The following ALDH3A2 variants were observed in gnomAD, a reference collection of about 807,000 sequenced individuals.
The protein encoded by ALDH3A2 is aldehyde dehydrogenase family 3 member A2.
A neutral mutation model predicts 51.3 loss-of-function variants in ALDH3A2; 36 were observed. That is an observed-to-expected ratio of 0.70 (90% CI 0.54 to 0.93). ALDH3A2 has a LOEUF of 0.93. ALDH3A2 is among the 40% of genes least tolerant of loss of function. The pLI is 0.00. For missense variants in ALDH3A2, 552 were observed against 603.1 expected, an observed-to-expected ratio of 0.92 and a Z score of 0.89; for synonymous variants, 199 against 219.8, an observed-to-expected ratio of 0.91 and a Z score of 0.84.
In ALDH3A2 at chr17:19,673,276, G is replaced by C. The variant is rs572187658; in HGVS notation, c.1443+1320G>C. The C allele has an allele frequency of 3.1e-6, 5 of 1,613,892 alleles. No individual in the cohort carries two copies. The South Asian group carries it at 4.4e-5, about 14-fold the overall frequency. Reference sequence around the variant, plus strand: ...CCCAGCCCTGTCTGTTAAGAGTGAGGTAGGAACTTTTTGTTTTCTTTCTAT... The same window carrying C: ...CCCAGCCCTGTCTGTTAAGAGTGAGCTAGGAACTTTTTGTTTTCTTTCTAT... On this transcript the variant is annotated intron_variant, in intron 9 of 9. Transcript: ENST00000176643.
chr17:19,671,988 G>A, intron 9 of ALDH3A2, 32 bp downstream of exon 9: 1 of 1,581,844 alleles, frequency 6.3e-7, no homozygotes, highest in Non-Finnish European at 8.7e-7. Context: ...GTGCCATTCA[G>A]TCTGGTCCTG....
chr17:19,670,369 C>T (rs1238225689), intron 8 of ALDH3A2, among the ~76,000 whole-genome samples: 1 of 151,924 alleles, frequency 6.6e-6, no homozygotes, highest in African/African-American at 2.4e-5. Flanking sequence ...TCCTTCATGT[C>T]AGTTTTTTGC....
At chr17:19,649,349 T>C (rs2084783027) in intron 1 of ALDH3A2, 1 of 561,380 alleles carries the variant, frequency 1.8e-6, no homozygotes, top group Admixed American at 3.4e-5. Flanking sequence ...CTTTTCTGCC[T>C]TTTCTATTCT....
At chr17:19,665,253 C>T (rs1433933872) in intron 8 of ALDH3A2, among the ~76,000 whole-genome samples, 2 of 152,062 alleles carry the variant, frequency 1.3e-5, no homozygotes, top group South Asian at 4.2e-4. Context: ...TTGTCACTCT[C>T]TTTCTGTCAG....
In ALDH3A2 at chr17:19,652,534, T is replaced by C. The variant is rs753336698; in HGVS notation, c.386-13T>C. The C allele has an allele frequency of 4.6e-5, 74 of 1,602,382 alleles. No homozygotes were observed. The highest frequency in any genetic ancestry group is 6.2e-5 in the Non-Finnish European group (72 of 1,169,674). Reference sequence around the variant, plus strand: ...ATATTAGATGATACTGTTCTACTTTTTACTTTATTTAGGAAATGCTGTGAT... The same window carrying C: ...ATATTAGATGATACTGTTCTACTTTCTACTTTATTTAGGAAATGCTGTGAT... On this transcript the variant is annotated splice_polypyrimidine_tract_variant and intron_variant, in intron 2 of 9. Transcript: ENST00000176643.
chr17:19,651,592 G>T lies in ALDH3A2; in HGVS notation c.199G>T (p.Glu67Ter). ...TCAGGAAGTCATTACTGTCCTTGGG[G>T]AAATTGATTTTATGCTTGAGAATCT... The part of the protein sequence containing the change: ...YSQEVITVLG[E>*]IDFMLENLPE... Residue 67 changes from glutamate (E) to a stop codon, truncating the protein, a stop_gained, in exon 2 of 10, where the codon GAA becomes TAA. Transcript: ENST00000176643. LOFTEE classifies it high-confidence loss of function. 2 of 1,614,208 alleles carry T rather than the reference G, an allele frequency of 1.2e-6. No individual in the cohort carries two copies. The highest frequency in any genetic ancestry group is 2.2e-5 in the South Asian group (2 of 91,082).
At chr17:19,665,191 T>C in intron 8 of ALDH3A2, 144 bp downstream of exon 8, 1 of 755,616 alleles carries the variant, frequency 1.3e-6, no homozygotes, top group South Asian at 1.5e-5. Flanking sequence ...GGTCACCCAG[T>C]TGACTGGTTT....
intron 3 of ALDH3A2, among the ~76,000 whole-genome samples, chr17:19,653,875 G>T (rs963523279): frequency 6.6e-6 from 1 of 152,152 alleles, no homozygotes; most frequent in African/African-American, 2.4e-5. Flanking sequence ...TGATTGGTCC[G>T]TTTTGACAGG....
At chr17:19,652,655 C>G (rs1051138268) in intron 3 of ALDH3A2, 23 bp downstream of exon 3, 1 of 1,547,262 alleles carries the variant, frequency 6.5e-7, no homozygotes, top group Non-Finnish European at 8.9e-7. Context: ...TGACTCATCT[C>G]CAACATATGT....
At chr17:19,656,616 A>G (rs1438252375) in intron 4 of ALDH3A2, 42 bp downstream of exon 4, 3 of 1,537,820 alleles carry the variant, frequency 2.0e-6, no homozygotes, top group Admixed American at 1.9e-5. Flanking sequence ...TCCCAGCACA[A>G]TGGAGACTTT....
At position 19,657,385 on chromosome 17, in the gene ALDH3A2, A is replaced by G. The variant is rs2084911067; in HGVS notation, c.681-360A>G. On this transcript the variant is annotated intron_variant, in intron 4 of 9. Transcript: ENST00000176643. Reference sequence around the variant, plus strand: ...AAAAGCCACAACCAGGAGAGTCTGTACCGAACTCTGGTCATCCAGGACTTT... The same window carrying G: ...AAAAGCCACAACCAGGAGAGTCTGTGCCGAACTCTGGTCATCCAGGACTTT... Among the ~76,000 whole-genome samples, 3 of 152,206 alleles carry G rather than the reference A, an allele frequency of 2.0e-5. No individual in the cohort carries two copies. In the South Asian group the frequency reaches 6.2e-4, roughly 31 times the overall value.
chr17:19,662,717 T>C lies in ALDH3A2; in HGVS notation c.941-616T>C, dbSNP rs1167429497. 2.6e-5 allele frequency among the ~76,000 whole-genome samples: 4 copies of C among 152,210 alleles called. No individual in the cohort carries two copies. The South Asian group carries it at 8.3e-4, about 31-fold the overall frequency. ...TATAATAAAGGTTAATGAGATCATA[T>C]ATATGAAAGCACTCGAGTTAAGAAA... On this transcript the variant is annotated intron_variant, in intron 6 of 9. Coordinates refer to ENST00000176643, the MANE Select transcript of ALDH3A2 (RefSeq NM_000382.3).
chr17:19,661,504 A>C, intron 6 of ALDH3A2: 1 of 499,672 alleles, frequency 2.0e-6, no homozygotes, highest in Non-Finnish European at 3.5e-6. Context: ...TTTACACATA[A>C]CTCCTTTTTT....
In ALDH3A2 at chr17:19,654,566, GCCC is replaced by G. The variant is rs1340493889; in HGVS notation, c.472-1798_472-1796del. Among the ~76,000 whole-genome samples the G allele has an allele frequency of 6.6e-6, 1 of 152,186 alleles. No individual in the cohort carries two copies. Among genetic ancestry groups the G allele is most frequent in the Non-Finnish European group, 1.5e-5 (1 of 68,004 alleles). On this transcript the variant is annotated intron_variant, in intron 3 of 9. Coordinates refer to ENST00000176643, the MANE Select transcript of ALDH3A2 (RefSeq NM_000382.3). This position sits in a 1 kb window ranked among gnomAD's most constrained non-coding sequence, Gnocchi z 4.5. ...CCTCAGCAGCTGGCCCAGGTGCTAA[GCCC>G]CTCATTGCCCAGGGCTGGCGGCGCC...
Position 19,674,593 on chromosome 17 carries a change from G to A in ALDH3A2, c.1444-965G>A, listed in dbSNP as rs548412415. 5.5e-4 allele frequency: 84 copies of A among 152,296 alleles called. 1 individual carries two copies. Among genetic ancestry groups the A allele is most frequent in the African/African-American group, 2.0e-3 (82 of 41,558 alleles). 9.4% of individuals were successfully genotyped at this position (152,296 alleles called of 1,614,324 possible). A position where few individuals can be genotyped will look rare whatever the true frequency, so the allele number is the denominator to read the frequency against. ...GGGCCTCAGCTTGCTCATCTACAGGGTGAGGGAGTAGGTGTCAGTGATTCC... is the reference window on the plus strand; with the variant it reads ...GGGCCTCAGCTTGCTCATCTACAGGATGAGGGAGTAGGTGTCAGTGATTCC... On this transcript the variant is annotated intron_variant, in intron 9 of 9. Coordinates refer to ENST00000176643, the MANE Select transcript of ALDH3A2 (RefSeq NM_000382.3).
intron 6 of ALDH3A2, chr17:19,661,532 G>A (rs2084966606): frequency 2.3e-6 from 1 of 437,656 alleles, no homozygotes; most frequent in African/African-American, 2.0e-5. Flanking sequence ...ACAATCCTGA[G>A]AAGCAGAATA....
At chr17:19,655,872 C>T (rs1027559288) in intron 3 of ALDH3A2, among the ~76,000 whole-genome samples, 2 of 152,216 alleles carry the variant, frequency 1.3e-5, no homozygotes, top group Non-Finnish European at 2.9e-5. Context: ...AGTGGCAGAG[C>T]CCAGATTCAA....
intron 9 of ALDH3A2, chr17:19,672,262 T>A (rs1322425366): frequency 4.6e-6 from 2 of 433,236 alleles, no homozygotes; most frequent in Non-Finnish European, 8.5e-6. Flanking sequence ...TCTAAGAGAT[T>A]AAAACAGCGT....
intron 3 of ALDH3A2, among the ~76,000 whole-genome samples, chr17:19,653,667 A>C (rs1486104391): frequency 6.6e-6 from 1 of 152,122 alleles, no homozygotes; most frequent in Admixed American, 6.5e-5. Context: ...CTTCGCAGTG[A>C]GTGTTACAGC....
Sources: gnomAD v4.1 joint callset for allele counts (sites outside exome capture counted in the v4.1 genomes callset) on GRCh38, gnomAD v4.1.1 for gene constraint, Gnocchi (gnomAD v3.1) non-coding constraint, MANE v1.5 for transcripts, NCBI Gene and HGNC (gene_info 2026-07-23, HGNC 2026-07-21) for gene names.